The following PRAMEF17 variants were observed in gnomAD, a reference collection of about 807,000 sequenced individuals.
PRAMEF17 encodes PRAME family member 17.
In PRAMEF17, 48 loss-of-function variants were observed where a neutral mutation model predicts 36.8. That is an observed-to-expected ratio of 1.30 (90% CI 1.03 to 1.66). The LOEUF is 1.66. PRAMEF17 is among the 40% of genes most tolerant of loss of function. The probability of loss-of-function intolerance (pLI) is 0.00; values close to 1 mark genes in which losing one functional copy is unlikely to be tolerated. For synonymous variants in PRAMEF17, 246 were observed against 220.4 expected, an observed-to-expected ratio of 1.12 and a Z score of -1.03; for missense variants, 639 against 560.6, an observed-to-expected ratio of 1.14 and a Z score of -1.41.
Position 13,392,380 on chromosome 1 carries a change from G to A in PRAMEF17, c.1303G>A (p.Ala435Thr). 1 of 1,611,934 alleles carries A rather than the reference G, an allele frequency of 6.2e-7. No homozygotes were observed. The highest frequency in any genetic ancestry group is 8.5e-7 in the Non-Finnish European group (1 of 1,179,844). The stretch of plus-strand genomic sequence containing the variant: ...TTGGGAGATCCTCGCCCCAATTCGG[G>A]CTGAGCTGATGTGTACACTCAGGGA... ...VNWEILAPIR[A>T]ELMCTLREVR... The change falls in exon 3 of 3, where the codon GCT (alanine) becomes ACT (threonine). Residue 435 changes from alanine to threonine, a missense_variant. Physicochemically the swap from Ala to Thr is moderately conservative, Grantham distance 58 (BLOSUM62 0). Transcript: ENST00000376098.
rs61753415 is a variant in PRAMEF17 at position 13,392,130 on chromosome 1, C to T, written c.1053C>T (p.Leu351=). 0.11 allele frequency: 170,306 copies of T among 1,607,230 alleles called. 9,797 individuals are homozygous for T. Among genetic ancestry groups the T allele is most frequent in the East Asian group, 0.19 (8,285 of 44,758 alleles). ...TGCTAGAGAAAGTTGCTGCTACTCTCGAGATCCTCACGTTAAAGGACTGTC... is the reference window on the plus strand; with the variant it reads ...TGCTAGAGAAAGTTGCTGCTACTCTTGAGATCCTCACGTTAAAGGACTGTC... ...GALLEKVAAT[L]EILTLKDCQI... is the part of the protein sequence containing the mutation. The change falls in exon 3 of 3, where the codon CTC becomes CTT. Residue 351 remains leucine (L), a synonymous_variant. Coordinates refer to ENST00000376098, the MANE Select transcript of PRAMEF17 (RefSeq NM_001099851.3).
At position 13,390,321 on chromosome 1, in the gene PRAMEF17, T is replaced by A. The variant is rs1355196697; in HGVS notation, c.288-20T>A. ...GGGTCTTTGCCTACATTCTGAGCTT[T>A]TCCCCTATGTTACTCACAGGAGGTG... On this transcript the variant is annotated intron_variant, in intron 1 of 2. Transcript: ENST00000376098. 1 of 1,612,014 alleles carries A rather than the reference T, an allele frequency of 6.2e-7. No homozygotes were observed. The highest frequency in any genetic ancestry group is 8.5e-7 in the Non-Finnish European group (1 of 1,179,864).
Position 13,389,725 on chromosome 1 carries a change from T to A in PRAMEF17, c.68T>A (p.Leu23Ter). 6.2e-7 allele frequency: 1 copy of A among 1,612,204 alleles called. No homozygotes were observed. Among genetic ancestry groups the A allele is most frequent in the South Asian group, 1.1e-5 (1 of 90,988 alleles). Reference protein sequence around the residue: ...AGQSLLRNQFLTIFILDELPR... With the variant: ...AGQSLLRNQF Reference sequence around the variant, plus strand: ...CAGAGCCTGCTGAGGAACCAGTTCTTGACCATCTTCATCCTGGACGAGCTG... The same window carrying A: ...CAGAGCCTGCTGAGGAACCAGTTCTAGACCATCTTCATCCTGGACGAGCTG... Residue 23 changes from leucine (L) to a stop codon, truncating the protein, a stop_gained, in exon 1 of 3, where the codon TTG becomes TAG. Transcript: ENST00000376098. LOFTEE classifies it high-confidence loss of function.
At position 13,392,026 on chromosome 1, in the gene PRAMEF17, C is replaced by G. The variant is rs759652933; in HGVS notation, c.949C>G (p.Pro317Ala). 1.4e-5 allele frequency: 22 copies of G among 1,611,820 alleles called. No homozygotes were observed. Among genetic ancestry groups the G allele is most frequent in the Non-Finnish European group, 1.9e-5 (22 of 1,179,820 alleles). ...GGACATGGAGTGTCTGTCTCAGTAC[C>G]CAAGCCTCAGTCAGCTAAAGGAGCT... ...DQDMECLSQY[P>A]SLSQLKELHL... The change falls in exon 3 of 3, where the codon CCA becomes GCA. Residue 317 changes from proline to alanine, a missense_variant. Pro to Ala is a conservative substitution (Grantham distance 27). Coordinates refer to ENST00000376098, the MANE Select transcript of PRAMEF17 (RefSeq NM_001099851.3).
chr1:13,390,274 A>G, intron 1 of PRAMEF17, 67 bp from the exon 2 acceptor site: 1 of 1,607,560 alleles, frequency 6.2e-7, no homozygotes, highest in East Asian at 2.2e-5. Flanking sequence ...CTGGATGTTG[A>G]GTGAAAGCTC....
In PRAMEF17 at chr1:13,392,012, G is replaced by A. The variant is rs1640891377; in HGVS notation, c.935G>A (p.Cys312Tyr). 1 of 1,611,856 alleles carries A rather than the reference G, an allele frequency of 6.2e-7. No individual in the cohort carries two copies. Among genetic ancestry groups the A allele is most frequent in the Non-Finnish European group, 8.5e-7 (1 of 1,179,832 alleles). The change falls in exon 3 of 3, where the codon TGT (cysteine) becomes TAT (tyrosine). Residue 312 changes from cysteine (C) to tyrosine (Y), a missense_variant. Transcript: ENST00000376098. ...TACCTAGCTGATCAGGACATGGAGT[G>A]TCTGTCTCAGTACCCAAGCCTCAGT... The part of the protein sequence containing the change: ...HAYLADQDME[C>Y]LSQYPSLSQL...
rs1269151438 is a variant in PRAMEF17 at position 13,389,902 on chromosome 1, T to G, written c.245T>G (p.Leu82Arg). 6.2e-7 allele frequency: 1 copy of G among 1,613,096 alleles called. No individual in the cohort carries two copies. Among genetic ancestry groups the G allele is most frequent in the East Asian group, 2.2e-5 (1 of 44,884 alleles). Residue 82 changes from leucine to arginine, a missense_variant, in exon 1 of 3, where the codon CTG becomes CGG. Transcript: ENST00000376098. ...CATCTGGAGACCTTGCAAGCTGTGC[T>G]GAAGGGACTTGATACACTGCTGGCC... Reference protein sequence around the residue: ...TPHLETLQAVLKGLDTLLAQK... With the variant: ...TPHLETLQAVRKGLDTLLAQK...
rs1483595999 is a variant in PRAMEF17, at chr1:13,390,829, T to A, written c.776T>A (p.Leu259Ter). ...VSGQQQFVPD[L>*]DCPFLCLYYP... ...GGCCAACAGCAGTTCGTTCCTGACT[T>A]GGACTGTCCATTCCTCTGCCTGTAC... Residue 259 changes from leucine (L) to a stop codon, truncating the protein, a stop_gained, in exon 2 of 3, where the codon TTG (leucine) becomes TAG (stop). Transcript: ENST00000376098. LOFTEE classifies it high-confidence loss of function. 1 of 1,612,052 alleles carries A rather than the reference T, an allele frequency of 6.2e-7. No homozygotes were observed. The highest frequency in any genetic ancestry group is 1.7e-5 in the Admixed American group (1 of 60,010).
In PRAMEF17 at chr1:13,391,911, C is replaced by T. The variant is rs1231589061; in HGVS notation, c.867-33C>T. The T allele has an allele frequency of 3.7e-6, 6 of 1,606,606 alleles. No individual in the cohort carries two copies. The Admixed American group carries it at 1.0e-4, about 27-fold the overall frequency. ...CCCACCCCCCTCCTCCAACTGGCACCATTGCCCATAACTAATTTCTTGCTC... is the reference window on the plus strand; with the variant it reads ...CCCACCCCCCTCCTCCAACTGGCACTATTGCCCATAACTAATTTCTTGCTC... On this transcript the variant is annotated intron_variant, in intron 2 of 2. Coordinates refer to ENST00000376098, the MANE Select transcript of PRAMEF17 (RefSeq NM_001099851.3).
chr1:13,389,820 A>T lies in PRAMEF17; in HGVS notation c.163A>T (p.Met55Leu). ...GAGACATTTTGAGGCCCTGAAGCTG[A>T]TGGTGCAGGCCTGGCCCTTCCTCCG... ...SMRHFEALKLMVQAWPFLRLP... is the reference protein window; with the variant it reads ...SMRHFEALKLLVQAWPFLRLP... Residue 55 changes from methionine to leucine, a missense_variant, in exon 1 of 3, where the codon ATG becomes TTG. Physicochemically the swap from Met to Leu is conservative, Grantham distance 15 (BLOSUM62 2). Coordinates refer to ENST00000376098, the MANE Select transcript of PRAMEF17 (RefSeq NM_001099851.3). 6.2e-7 allele frequency: 1 copy of T among 1,613,482 alleles called. No individual in the cohort carries two copies. The highest frequency in any genetic ancestry group is 8.5e-7 in the Non-Finnish European group (1 of 1,180,034).
At position 13,392,148 on chromosome 1, in the gene PRAMEF17, G is replaced by T; in HGVS notation, c.1071G>T (p.Lys357Asn). The T allele has an allele frequency of 6.2e-7, 1 of 1,611,944 alleles. No homozygotes were observed. The highest frequency in any genetic ancestry group is 8.5e-7 in the Non-Finnish European group (1 of 1,179,832). Residue 357 changes from lysine to asparagine, a missense_variant, in exon 3 of 3, where the codon AAG (lysine) becomes AAT (asparagine). Lys to Asn is a moderately conservative substitution (Grantham distance 94). Transcript: ENST00000376098. Reference protein sequence around the residue: ...VAATLEILTLKDCQIQDSQLR... With the variant: ...VAATLEILTLNDCQIQDSQLR... ...CTACTCTCGAGATCCTCACGTTAAAGGACTGTCAGATCCAGGACTCCCAGC... is the reference window on the plus strand; with the variant it reads ...CTACTCTCGAGATCCTCACGTTAAATGACTGTCAGATCCAGGACTCCCAGC...
intron 1 of PRAMEF17, 135 bp from the exon 2 acceptor site, chr1:13,390,206 C>T (rs948529415): frequency 0.11 from 155,083 of 1,448,244 alleles, 8,937 homozygotes; most frequent in East Asian, 0.19. Context: ...CAAGGGGGAG[C>T]GGGATGGAGA....
Position 13,392,464 on chromosome 1 carries a change from T to C in PRAMEF17, c.1387T>C (p.Trp463Arg). ...GPIPCPSCGS[W>R]PSEKVDFHLC... ...CATCCCCTGCCCTTCCTGTGGCTCA[T>C]GGCCATCTGAGAAAGTGGACTTCCA... Residue 463 changes from tryptophan to arginine, a missense_variant, in exon 3 of 3, where the codon TGG (tryptophan) becomes CGG (arginine). Physicochemically the swap from Trp to Arg is moderately radical, Grantham distance 101 (BLOSUM62 -3). Coordinates refer to ENST00000376098, the MANE Select transcript of PRAMEF17 (RefSeq NM_001099851.3). 10 of 1,612,072 alleles carry C rather than the reference T, an allele frequency of 6.2e-6. No homozygotes were observed. Among genetic ancestry groups the C allele is most frequent in the Middle Eastern group, 2.3e-4 (1 of 4,430 alleles).
At chr1:13,391,540 T>C (rs1255435400) in intron 2 of PRAMEF17, among the ~76,000 whole-genome samples, 2 of 152,220 alleles carry the variant, frequency 1.3e-5, no homozygotes, top group Non-Finnish European at 2.9e-5. Context: ...CAGATGTCCC[T>C]AGACCTTGCT....
rs757718468 is a variant in PRAMEF17 at position 13,392,470 on chromosome 1, T to C, written c.1393T>C (p.Ser465Pro). The change falls in exon 3 of 3, where the codon TCT (serine) becomes CCT (proline). Residue 465 changes from serine (S) to proline (P), a missense_variant. Ser to Pro is a moderately conservative substitution (Grantham distance 74, BLOSUM62 -1). Coordinates refer to ENST00000376098, the MANE Select transcript of PRAMEF17 (RefSeq NM_001099851.3). ...CTGCCCTTCCTGTGGCTCATGGCCA[T>C]CTGAGAAAGTGGACTTCCATCTTTG... Reference protein sequence around the residue: ...IPCPSCGSWPSEKVDFHLCS With the variant: ...IPCPSCGSWPPEKVDFHLCS 1.2e-6 allele frequency: 2 copies of C among 1,612,030 alleles called. No individual in the cohort carries two copies. The highest frequency in any genetic ancestry group is 2.2e-5 in the South Asian group (2 of 90,988).
chr1:13,390,990 A>C, intron 2 of PRAMEF17, 71 bp downstream of exon 2: 11 of 1,599,164 alleles, frequency 6.9e-6, no homozygotes, highest in Non-Finnish European at 9.4e-6. Flanking sequence ...AGTAAACGCT[A>C]GTGGGCATCT....
intron 2 of PRAMEF17, among the ~76,000 whole-genome samples, chr1:13,391,303 G>A (rs1476667452): frequency 2.0e-5 from 3 of 152,182 alleles, no homozygotes; most frequent in Admixed American, 6.5e-5. Context: ...TCAAACCTGC[G>A]TGTTTCACAG....
Position 13,391,019 on chromosome 1 carries a change from G to T in PRAMEF17, c.866+100G>T, listed in dbSNP as rs1488176061. 41 of 1,533,826 alleles carry T rather than the reference G, an allele frequency of 2.7e-5. No individual in the cohort carries two copies. The Middle Eastern group carries it at 9.5e-4, about 35-fold the overall frequency. On this transcript the variant is annotated intron_variant, in intron 2 of 2. Transcript: ENST00000376098. ...GGCATCTACTGTGTGCCAGCCACTG[G>T]TGATGTCACAGGGAATGGGACGCTA...
At position 13,390,590 on chromosome 1, in the gene PRAMEF17, C is replaced by A. The variant is rs751932173; in HGVS notation, c.537C>A (p.His179Gln). The A allele has an allele frequency of 1.2e-6, 2 of 1,611,976 alleles. No homozygotes were observed. Among genetic ancestry groups the A allele is most frequent in the Non-Finnish European group, 1.7e-6 (2 of 1,179,868 alleles). ...RWIHYRRGLV[H>Q]LCCNKVQNYS... ...TCCACTACAGAAGAGGTCTAGTGCACCTGTGTTGTAATAAGGTGCAGAATT... is the reference window on the plus strand; with the variant it reads ...TCCACTACAGAAGAGGTCTAGTGCAACTGTGTTGTAATAAGGTGCAGAATT... Residue 179 changes from histidine to glutamine, a missense_variant, in exon 2 of 3, where the codon CAC (histidine) becomes CAA (glutamine). By Grantham distance (24) the His-to-Gln change is conservative. Coordinates refer to ENST00000376098, the MANE Select transcript of PRAMEF17 (RefSeq NM_001099851.3).
Sources: gnomAD v4.1 joint callset for allele counts (sites outside exome capture counted in the v4.1 genomes callset) on GRCh38, gnomAD v4.1.1 for gene constraint, MANE v1.5 for transcripts, NCBI Gene and HGNC (gene_info 2026-07-23, HGNC 2026-07-21) for gene names.